DCBLD2: variants seen among roughly 807,000 people sequenced by gnomAD.
DCBLD2 encodes the protein discoidin, CUB and LCCL domain containing 2.
In DCBLD2, 54 loss-of-function variants were observed where a neutral mutation model predicts 86.8. That is an observed-to-expected ratio of 0.62 (90% CI 0.50 to 0.78). DCBLD2 has a LOEUF of 0.78. DCBLD2 is among the 30% of genes least tolerant of loss of function. The pLI is 0.00. For missense variants in DCBLD2, 908 were observed against 954.2 expected, an observed-to-expected ratio of 0.95 and a Z score of 0.64; for synonymous variants, 354 against 341.3, an observed-to-expected ratio of 1.04 and a Z score of -0.41.
intron 3 of DCBLD2, among the ~76,000 whole-genome samples, chr3:98,842,258 T>C (rs944867869): frequency 3.9e-5 from 6 of 152,224 alleles, no homozygotes; most frequent in Non-Finnish European, 5.9e-5. Flanking sequence ...ATCTTGTCAA[T>C]AGCCTTGCAT....
intron 13 of DCBLD2, among the ~76,000 whole-genome samples, chr3:98,804,821 C>G (rs560452485): frequency 3.9e-5 from 6 of 152,280 alleles, no homozygotes; most frequent in African/African-American, 1.4e-4. Context: ...CATTCAGGAG[C>G]AGGTTGTTCA....
Position 98,869,905 on chromosome 3 carries a change from G to A in DCBLD2, c.433+11635C>T, listed in dbSNP as rs140861012. Among the ~76,000 whole-genome samples the A allele has an allele frequency of 2.5e-3, 383 of 152,300 alleles. 1 individual carries two copies. The highest frequency in any genetic ancestry group is 8.7e-3 in the African/African-American group (361 of 41,548). On this transcript the variant is annotated intron_variant, in intron 2 of 15. Transcript: ENST00000326840. ...ATTTTATTTTGTAAGTGGAAATACC[G>A]CTACTAAAAATGGAGTGCTATAAAT...
chr3:98,847,382 C>T (rs977706010), intron 3 of DCBLD2, among the ~76,000 whole-genome samples: 3 of 152,124 alleles, frequency 2.0e-5, no homozygotes, highest in Admixed American at 6.5e-5. Context: ...CTGGTTCTGT[C>T]GAAAATATTA....
chr3:98,822,811 A>T (rs1942147909), intron 4 of DCBLD2, 70 bp from the exon 5 acceptor site: 1 of 1,316,218 alleles, frequency 7.6e-7, no homozygotes, highest in African/African-American at 1.5e-5. Context: ...ACCCCCCAAA[A>T]ATATCACAGA....
chr3:98,826,757 C>T (rs1413694416), intron 3 of DCBLD2, among the ~76,000 whole-genome samples: 1 of 152,120 alleles, frequency 6.6e-6, no homozygotes, highest in African/African-American at 2.4e-5. Flanking sequence ...GCATGTTTGG[C>T]TAAGTCCAGT....
At chr3:98,876,023 G>T (rs979926884) in intron 2 of DCBLD2, among the ~76,000 whole-genome samples, 1 of 151,922 alleles carries the variant, frequency 6.6e-6, no homozygotes, top group Non-Finnish European at 1.5e-5. Flanking sequence ...TTAGAATCTA[G>T]ATGCAATTTA....
At chr3:98,865,340 T>C (rs972349175) in intron 2 of DCBLD2, among the ~76,000 whole-genome samples, 3 of 151,246 alleles carry the variant, frequency 2.0e-5, no homozygotes, top group Admixed American at 6.6e-5. Context: ...CTGGAGGATA[T>C]GATGTTAAGC....
At chr3:98,831,428 C>T (rs2107459217) in intron 3 of DCBLD2, among the ~76,000 whole-genome samples, 1 of 152,158 alleles carries the variant, frequency 6.6e-6, no homozygotes, top group Non-Finnish European at 1.5e-5. Context: ...ATTTGTTGAC[C>T]TTTTGAATGT....
intron 2 of DCBLD2, among the ~76,000 whole-genome samples, chr3:98,851,037 AG>A (rs1181061235): frequency 6.6e-6 from 1 of 152,262 alleles, no homozygotes; most frequent in Non-Finnish European, 1.5e-5. Flanking sequence ...AACCTGCACA[AG>A]ACAAGGATGC....
intron 1 of DCBLD2, among the ~76,000 whole-genome samples, chr3:98,884,741 AAT>A (rs1479452079): frequency 1.3e-5 from 2 of 152,186 alleles, no homozygotes; most frequent in African/African-American, 4.8e-5. Context: ...TTCTTTAGTA[AAT>A]AGAAAACAAA....
At chr3:98,802,804 G>A (rs1941754515) in intron 13 of DCBLD2, among the ~76,000 whole-genome samples, 1 of 152,130 alleles carries the variant, frequency 6.6e-6, no homozygotes, top group Non-Finnish European at 1.5e-5. Flanking sequence ...ATTAAATAGG[G>A]AATCCTTTCC....
At chr3:98,847,314 G>A (rs1301115022) in intron 3 of DCBLD2, among the ~76,000 whole-genome samples, 2 of 152,210 alleles carry the variant, frequency 1.3e-5, no homozygotes, top group Non-Finnish European at 2.9e-5. Flanking sequence ...CAGCTAGCAC[G>A]TGGCAGAGGC....
At position 98,829,660 on chromosome 3, in the gene DCBLD2, A is replaced by AG. The variant is rs1237084807; in HGVS notation, c.572-4295dup. Among the ~76,000 whole-genome samples, 4 of 152,338 alleles carry AG rather than the reference A, an allele frequency of 2.6e-5. No individual in the cohort carries two copies. In the East Asian group the frequency reaches 7.7e-4, roughly 29 times the overall value. ...TATATGTACCACATTTTCTTTATCC[A>AG]GTCTACCATTAATGGACATTTAGGT... On this transcript the variant is annotated intron_variant, in intron 3 of 15. Coordinates refer to ENST00000326840, the MANE Select transcript of DCBLD2 (RefSeq NM_080927.4).
At chr3:98,898,493 A>C (rs1436401912) in intron 1 of DCBLD2, among the ~76,000 whole-genome samples, 1 of 151,930 alleles carries the variant, frequency 6.6e-6, no homozygotes, top group Non-Finnish European at 1.5e-5. Flanking sequence ...TATGCGAATT[A>C]CAGAAAATTT....
chr3:98,869,390 T>C (rs1182338987), intron 2 of DCBLD2, among the ~76,000 whole-genome samples: 1 of 152,258 alleles, frequency 6.6e-6, no homozygotes, highest in African/African-American at 2.4e-5. Context: ...TCCCATTCTG[T>C]AGGTTCTCTG....
chr3:98,802,961 A>AGG, intron 13 of DCBLD2, among the ~76,000 whole-genome samples: 1 of 152,146 alleles, frequency 6.6e-6, no homozygotes, highest in African/African-American at 2.4e-5. Context: ...GCCTTGTAGT[A>AGG]TAGTTTGAAG....
chr3:98,844,453 G>A (rs943360698), intron 3 of DCBLD2, among the ~76,000 whole-genome samples: 1 of 151,572 alleles, frequency 6.6e-6, no homozygotes, highest in African/African-American at 2.4e-5. Flanking sequence ...CGCCTCCCGG[G>A]TACAAACAAA....
At chr3:98,880,649 G>A (rs1454973469) in intron 2 of DCBLD2, among the ~76,000 whole-genome samples, 1 of 152,098 alleles carries the variant, frequency 6.6e-6, no homozygotes, top group Non-Finnish European at 1.5e-5. Flanking sequence ...TCTTAATCAA[G>A]AACAACAACA....
chr3:98,876,355 TA>T (rs1943368475), intron 2 of DCBLD2, among the ~76,000 whole-genome samples: 1 of 118,914 alleles, frequency 8.4e-6, no homozygotes, highest in South Asian at 2.6e-4. Context: ...GACCTGTCTT[TA>T]AAAATAAAAA....
Sources: gnomAD v4.1 joint callset for allele counts (sites outside exome capture counted in the v4.1 genomes callset) on GRCh38, gnomAD v4.1.1 for gene constraint, MANE v1.5 for transcripts, NCBI Gene and HGNC (gene_info 2026-07-23, HGNC 2026-07-21) for gene names.